Variants in RALYL observed in about 807,000 individuals in gnomAD.
The protein encoded by RALYL is RNA-binding Raly-like protein.
Under a neutral mutation model 35.1 loss-of-function variants are expected in RALYL, and 29 were observed. The observed-to-expected ratio is 0.83, with a 90% CI of 0.61 to 1.13. RALYL has a LOEUF of 1.13. Ranked by LOEUF, RALYL falls within the 50% of genes most tolerant of loss-of-function variation. The pLI is 0.00. For missense variants in RALYL, 359 were observed against 360.4 expected (o/e 1.00, Z 0.03); for synonymous variants, 120 against 127.6 (o/e 0.94, Z 0.40).
intron 4 of RALYL, among the ~76,000 whole-genome samples, chr8:84,808,125 T>G (rs193240460): frequency 6.6e-6 from 1 of 152,344 alleles, no homozygotes; most frequent in East Asian, 1.9e-4. Flanking sequence ...CTAGAATGTT[T>G]ATAGTTTCAG....
chr8:84,441,089 TG>T (rs1009567424), intron 1 of RALYL, among the ~76,000 whole-genome samples: 4 of 152,062 alleles, frequency 2.6e-5, no homozygotes, highest in African/African-American at 9.6e-5. Flanking sequence ...TATGTAGTAG[TG>T]GTGTATTTTT....
chr8:84,343,101 G>A (rs911724032), intron 1 of RALYL, among the ~76,000 whole-genome samples: 1 of 151,918 alleles, frequency 6.6e-6, no homozygotes, highest in Admixed American at 6.6e-5. Flanking sequence ...TTTATCAAAG[G>A]AGTATATTTT....
At chr8:84,790,314 A>G (rs1216644402) in intron 3 of RALYL, among the ~76,000 whole-genome samples, 2 of 152,238 alleles carry the variant, frequency 1.3e-5, no homozygotes, top group Non-Finnish European at 2.9e-5. Context: ...AACGCAAAAT[A>G]AATATTTCAC....
At chr8:84,424,844 C>T (rs1033111940) in intron 1 of RALYL, among the ~76,000 whole-genome samples, 2 of 151,956 alleles carry the variant, frequency 1.3e-5, no homozygotes, top group African/African-American at 4.8e-5. Flanking sequence ...TGGGGGGTGC[C>T]TCCCAGTTAG....
chr8:84,436,396 T>C (rs539271810), intron 1 of RALYL, among the ~76,000 whole-genome samples: 1 of 152,236 alleles, frequency 6.6e-6, no homozygotes, highest in Non-Finnish European at 1.5e-5. Flanking sequence ...CAGAATTTAC[T>C]ACATATATAA....
chr8:84,509,401 G>A (rs1161851119), intron 1 of RALYL, among the ~76,000 whole-genome samples: 1 of 152,116 alleles, frequency 6.6e-6, no homozygotes, highest in Admixed American at 6.5e-5. Flanking sequence ...TTGTACTGCT[G>A]TATGAGGCCA....
chr8:84,204,724 C>A (rs1817673902), intron 1 of RALYL, among the ~76,000 whole-genome samples: 1 of 152,152 alleles, frequency 6.6e-6, no homozygotes, highest in South Asian at 2.1e-4. Context: ...CAACTGCTGT[C>A]TCCAATTTCA....
intron 2 of RALYL, among the ~76,000 whole-genome samples, chr8:84,607,497 A>AAATC (rs1817394015): frequency 6.6e-6 from 1 of 152,152 alleles, no homozygotes; most frequent in African/African-American, 2.4e-5. Flanking sequence ...TTAAAATTTA[A>AAATC]AATCAGTTTA....
At chr8:84,864,082 A>G (rs935512880) in intron 6 of RALYL, among the ~76,000 whole-genome samples, 8 of 152,230 alleles carry the variant, frequency 5.3e-5, no homozygotes, top group African/African-American at 1.4e-4. Flanking sequence ...ACTTGGAGAA[A>G]TAATGTGAAG....
At chr8:84,623,800 A>T in intron 2 of RALYL, among the ~76,000 whole-genome samples, 1 of 152,160 alleles carries the variant, frequency 6.6e-6, no homozygotes, top group Non-Finnish European at 1.5e-5. Context: ...AGGAAAAAAA[A>T]TTTAAAATAT....
intron 1 of RALYL, among the ~76,000 whole-genome samples, chr8:84,379,091 G>A (rs1433332422): frequency 6.6e-6 from 1 of 151,822 alleles, no homozygotes; most frequent in Non-Finnish European, 1.5e-5. Flanking sequence ...TCCTTATTTA[G>A]ATCAGGCTTC....
chr8:84,670,157 A>G (rs1006710087), intron 2 of RALYL, among the ~76,000 whole-genome samples: 1 of 151,106 alleles, frequency 6.6e-6, no homozygotes, highest in Non-Finnish European at 1.5e-5. Flanking sequence ...CACCTCTTGC[A>G]CTAATTTCCC....
At chr8:84,785,643 A>T (rs1468649717) in intron 3 of RALYL, among the ~76,000 whole-genome samples, 2 of 152,152 alleles carry the variant, frequency 1.3e-5, no homozygotes, top group African/African-American at 2.4e-5. Flanking sequence ...AAACATTTTT[A>T]AAAAATTAAA....
chr8:84,324,334 C>G (rs772588394), intron 1 of RALYL, among the ~76,000 whole-genome samples: 1 of 151,834 alleles, frequency 6.6e-6, no homozygotes, highest in African/African-American at 2.4e-5. Context: ...GATAACATTA[C>G]TCACTGTCTT....
intron 1 of RALYL, among the ~76,000 whole-genome samples, chr8:84,266,816 C>CA (rs1554595443): frequency 6.6e-6 from 1 of 151,754 alleles, no homozygotes; most frequent in African/African-American, 2.4e-5. Context: ...AAAAATTAGC[C>CA]GGGCGTGGTA....
chr8:84,821,916 T>C (rs1034350653), intron 4 of RALYL, among the ~76,000 whole-genome samples: 4 of 152,150 alleles, frequency 2.6e-5, no homozygotes, highest in African/African-American at 9.7e-5. Flanking sequence ...TTTTTAGAAA[T>C]GTTATTATTT....
intron 1 of RALYL, among the ~76,000 whole-genome samples, chr8:84,272,052 A>C (rs1159860475): frequency 6.6e-6 from 1 of 152,034 alleles, no homozygotes; most frequent in Non-Finnish European, 1.5e-5. Flanking sequence ...TGTTTTTAGT[A>C]GGAAAAGTGT....
At chr8:84,336,564 T>A (rs1322122376) in intron 1 of RALYL, among the ~76,000 whole-genome samples, 1 of 152,168 alleles carries the variant, frequency 6.6e-6, no homozygotes, top group Non-Finnish European at 1.5e-5. Flanking sequence ...TTTTAAAGTA[T>A]GTAAAAGGAT....
intron 1 of RALYL, among the ~76,000 whole-genome samples, chr8:84,303,028 A>G (rs1841111720): frequency 1.3e-5 from 2 of 152,130 alleles, no homozygotes; most frequent in African/African-American, 4.8e-5. Context: ...ATATACTTTA[A>G]TTTTTACCAA....
Sources: allele counts gnomAD v4.1 joint callset (sites outside exome capture counted in the v4.1 genomes callset), GRCh38; gene constraint gnomAD v4.1.1; transcripts MANE v1.5; gene names NCBI Gene and HGNC (gene_info 2026-07-23, HGNC 2026-07-21).